Variants in DEUP1 observed in about 807,000 individuals in gnomAD.
DEUP1 encodes deuterosome assembly protein 1.
In DEUP1, 82 loss-of-function variants were observed where a neutral mutation model predicts 87.4. That is an observed-to-expected ratio of 0.94 (90% CI 0.78 to 1.13). DEUP1 has a LOEUF of 1.13. Among genes scored for constraint, DEUP1 ranks in the 50% most tolerant of loss-of-function variants. The pLI is 0.00. For synonymous variants in DEUP1, 214 were observed against 222.7 expected, an observed-to-expected ratio of 0.96 and a Z score of 0.35; for missense variants, 663 against 681.5, an observed-to-expected ratio of 0.97 and a Z score of 0.30.
intron 4 of DEUP1, among the ~76,000 whole-genome samples, chr11:93,360,375 A>G (rs908705705): frequency 6.6e-6 from 1 of 152,200 alleles, no homozygotes; most frequent in Non-Finnish European, 1.5e-5. Context: ...TCAAAACACA[A>G]TACACAAAAA....
intron 8 of DEUP1, 73 bp from the exon 9 acceptor site, chr11:93,388,947 A>C: frequency 1.1e-6 from 1 of 873,632 alleles, no homozygotes; most frequent in Non-Finnish European, 1.8e-6. Context: ...TAATGGTCTA[A>C]ATTAACAATA....
In DEUP1 at chr11:93,408,290, T is replaced by G; in HGVS notation, c.1386T>G (p.Tyr462Ter). The change falls in exon 12 of 14, where the codon TAT becomes TAG. Residue 462 changes from tyrosine (Y) to a stop codon, truncating the protein, a stop_gained. Coordinates refer to ENST00000298050, the MANE Select transcript of DEUP1 (RefSeq NM_181645.4). LOFTEE classifies it high-confidence loss of function. ...SRHTSINKLQ[Y>*]ENERLRNDLA... ...ATACATCTATTAATAAACTGCAATA[T>G]GAGAATGAAAGGCTCCGAAATGATC... is the stretch of plus-strand genomic sequence containing the variant. 1 of 1,585,088 alleles carries G rather than the reference T, an allele frequency of 6.3e-7. No individual in the cohort carries two copies.
intron 7 of DEUP1, chr11:93,383,561 G>A (rs1353487418): frequency 3.0e-6 from 2 of 659,028 alleles, no homozygotes; most frequent in South Asian, 3.5e-5. Context: ...TCAACTTTGT[G>A]ACTAAATTGA....
intron 13 of DEUP1, among the ~76,000 whole-genome samples, chr11:93,436,390 T>G (rs1162758082): frequency 2.6e-5 from 4 of 152,222 alleles, no homozygotes; most frequent in South Asian, 4.1e-4. Context: ...TGGATATATA[T>G]TGTTGGCCAC....
At chr11:93,429,599 T>C (rs956579082) in intron 13 of DEUP1, among the ~76,000 whole-genome samples, 1 of 152,150 alleles carries the variant, frequency 6.6e-6, no homozygotes, top group East Asian at 1.9e-4. Context: ...TCATCTTGCC[T>C]TTTTTCATAG....
In DEUP1 at chr11:93,332,294, T is replaced by A. The variant is rs1476719552; in HGVS notation, c.29+6T>A. The A allele has an allele frequency of 1.2e-6, 2 of 1,605,776 alleles. No individual in the cohort carries two copies. The highest frequency in any genetic ancestry group is 3.4e-5 in the Admixed American group (2 of 59,392). On this transcript the variant is annotated splice_donor_region_variant and intron_variant, in intron 2 of 13. Coordinates refer to ENST00000298050, the MANE Select transcript of DEUP1 (RefSeq NM_181645.4). ...CAAGCCCATAATACGATGGGGTAAG[T>A]GCTGAGAAATTTCTGTTTAATAAGT...
chr11:93,330,650 A>AGGCGGCGGGAGCGC (rs1017841190), upstream of DEUP1: 1 of 152,898 alleles, frequency 6.5e-6, no homozygotes, highest in Non-Finnish European at 1.5e-5. Flanking sequence ...GGGAGGGCCC[A>AGGCGGCGGGAGCGC]GGCGGCGGGA....
chr11:93,375,596 GCATATGTTAAAC>G (rs550838636), intron 7 of DEUP1, among the ~76,000 whole-genome samples: 14 of 152,094 alleles, frequency 9.2e-5, no homozygotes, highest in Middle Eastern at 3.2e-3. Context: ...TTATTGACTT[GCATATGTTAAAC>G]CATCCCTGCA....
At chr11:93,404,995 A>G (rs1314362718) in intron 11 of DEUP1, among the ~76,000 whole-genome samples, 3 of 152,030 alleles carry the variant, frequency 2.0e-5, no homozygotes, top group Non-Finnish European at 4.4e-5. Context: ...ATTATGGTAC[A>G]TTTAGGAAAT....
At position 93,345,424 on chromosome 11, in the gene DEUP1, G is replaced by T. The variant is rs561664152; in HGVS notation, c.30-9947G>T. Among the ~76,000 whole-genome samples, 20 of 152,238 alleles carry T rather than the reference G, an allele frequency of 1.3e-4. No homozygotes were observed. The South Asian group carries it at 4.1e-3, about 32-fold the overall frequency. ...GTATTTCTGTTTTTAGGTCTTTGAG[G>T]AATCACCACACTGTCTTGAACAATG... is the stretch of plus-strand genomic sequence containing the variant. On this transcript the variant is annotated intron_variant, in intron 2 of 13. Transcript: ENST00000298050.
At chr11:93,395,209 ATCCTTCCTT>A (rs1175491635) in intron 10 of DEUP1, among the ~76,000 whole-genome samples, 2 of 152,186 alleles carry the variant, frequency 1.3e-5, no homozygotes, top group Admixed American at 6.5e-5. Context: ...TAACTTCTAC[ATCCTTCCTT>A]TCCTTCCTGC....
At chr11:93,383,042 T>C (rs1468965325) in intron 7 of DEUP1, among the ~76,000 whole-genome samples, 2 of 152,130 alleles carry the variant, frequency 1.3e-5, no homozygotes, top group Non-Finnish European at 2.9e-5. Context: ...TTGGTAAAAA[T>C]AAATTATCTG....
At chr11:93,378,539 A>G (rs776822467) in intron 7 of DEUP1, among the ~76,000 whole-genome samples, 10 of 151,914 alleles carry the variant, frequency 6.6e-5, no homozygotes, top group Non-Finnish European at 1.0e-4. Flanking sequence ...CTCCTTTAGT[A>G]GGTTAATAAT....
intron 7 of DEUP1, among the ~76,000 whole-genome samples, chr11:93,371,930 TC>T (rs1201675651): frequency 1.4e-5 from 2 of 145,316 alleles, no homozygotes; most frequent in African/African-American, 5.0e-5. Flanking sequence ...AATATGTATT[TC>T]TTTTTTTTTT....
intron 13 of DEUP1, among the ~76,000 whole-genome samples, chr11:93,429,553 G>A (rs1194591322): frequency 6.6e-6 from 1 of 152,140 alleles, no homozygotes; most frequent in African/African-American, 2.4e-5. Context: ...TAAGCAACCA[G>A]TCCACAATAG....
chr11:93,377,678 AT>A (rs1057264484), intron 7 of DEUP1, among the ~76,000 whole-genome samples: 2 of 151,670 alleles, frequency 1.3e-5, no homozygotes, highest in African/African-American at 4.8e-5. Flanking sequence ...CTGAATACTT[AT>A]TTTTTTCATT....
rs1948301712 is a variant in DEUP1 at position 93,438,288 on chromosome 11, A to C, written c.*569A>C. 1 of 152,222 alleles carries C rather than the reference A, an allele frequency of 6.6e-6. No individual in the cohort carries two copies. Among genetic ancestry groups the C allele is most frequent in the East Asian group, 1.9e-4 (1 of 5,200 alleles). 9.4% of individuals were successfully genotyped at this position (152,222 alleles called of 1,614,324 possible). ...AATGTCTGTCTGTTTCAACACAATG[A>C]AGGTATATGGAATGTGCAATTTACA... On this transcript the variant is annotated 3_prime_UTR_variant, in exon 14 of 14. Coordinates refer to ENST00000298050, the MANE Select transcript of DEUP1 (RefSeq NM_181645.4).
intron 10 of DEUP1, among the ~76,000 whole-genome samples, 161 bp downstream of exon 10, chr11:93,394,817 A>G (rs1333577483): frequency 6.6e-6 from 1 of 152,188 alleles, no homozygotes; most frequent in Non-Finnish European, 1.5e-5. Flanking sequence ...CCTTTCAGAG[A>G]TAACACAAAG....
intron 7 of DEUP1, among the ~76,000 whole-genome samples, chr11:93,375,953 T>C (rs1218156162): frequency 2.0e-5 from 3 of 152,092 alleles, no homozygotes; most frequent in African/African-American, 7.2e-5. Context: ...TACTGTTTTG[T>C]TTTGTTTTGT....
Sources: gnomAD v4.1 joint callset for allele counts (sites outside exome capture counted in the v4.1 genomes callset) on GRCh38, gnomAD v4.1.1 for gene constraint, MANE v1.5 for transcripts, NCBI Gene and HGNC (gene_info 2026-07-23, HGNC 2026-07-21) for gene names.